Variants in C11orf71 observed in about 807,000 individuals in gnomAD.
The protein encoded by C11orf71 is chromosome 11 open reading frame 71, also known as uncharacterized protein C11orf71.
For synonymous variants in C11orf71, 72 were observed against 73.4 expected, an observed-to-expected ratio of 0.98 and a Z score of 0.09; for missense variants, 179 against 167.6, an observed-to-expected ratio of 1.07 and a Z score of -0.38.
rs1442554929 is a variant in C11orf71, at chr11:114,399,458, A to G, written c.*502T>C. 2.0e-5 allele frequency: 3 copies of G among 152,688 alleles called. No homozygotes were observed. The highest frequency in any genetic ancestry group is 7.2e-5 in the African/African-American group (3 of 41,490). 9.5% of individuals were successfully genotyped at this position (152,688 alleles called of 1,614,324 possible). A position where few individuals can be genotyped will look rare whatever the true frequency, so the allele number is the denominator to read the frequency against. Reference sequence around the variant, plus strand: ...AAAGGAATAATAAATTGATTTAATAATTTGAAAGAACTGTAAGGTTTAGGT... The same window carrying G: ...AAAGGAATAATAAATTGATTTAATAGTTTGAAAGAACTGTAAGGTTTAGGT... On this transcript the variant is annotated 3_prime_UTR_variant, in exon 1 of 1. Transcript: ENST00000623205.
downstream of C11orf71, among the ~76,000 whole-genome samples, chr11:114,394,295 T>C (rs1290289680): frequency 3.8e-5 from 1 of 26,088 alleles, no homozygotes; most frequent in African/African-American, 3.4e-4. Flanking sequence ...TTCTCTTATT[T>C]TCTTTTCTTT....
In C11orf71 at chr11:114,399,872, TAAAAC is replaced by T; in HGVS notation, c.*83_*87del. The T allele has an allele frequency of 6.9e-7, 1 of 1,453,222 alleles. No homozygotes were observed. Among genetic ancestry groups the T allele is most frequent in the Non-Finnish European group, 9.1e-7 (1 of 1,102,732 alleles). The allele number at this position is 1,453,222 out of a possible 1,614,324, so 90.0% of individuals were successfully genotyped here. The stretch of plus-strand genomic sequence containing the variant: ...AAATGAAAATACATCCATCTAAAAA[TAAAAC>T]AACACGATTGCTGCTACACCAAGAA... On this transcript the variant is annotated 3_prime_UTR_variant, in exon 1 of 1. Transcript: ENST00000623205.
rs891437470 is a variant in C11orf71 at position 114,399,336 on chromosome 11, T to G, written c.*624A>C. The G allele has an allele frequency of 6.6e-6, 1 of 152,292 alleles. No individual in the cohort carries two copies. The highest frequency in any genetic ancestry group is 6.5e-5 in the Admixed American group (1 of 15,284). The allele number at this position is 152,292 out of a possible 1,614,324, so 9.4% of individuals were successfully genotyped here. Reference sequence around the variant, plus strand: ...ATTGTACAAGTAATGTTTTCACCAGTGTATTTTAGGACAGCAGATTCAGAT... The same window carrying G: ...ATTGTACAAGTAATGTTTTCACCAGGGTATTTTAGGACAGCAGATTCAGAT... On this transcript the variant is annotated 3_prime_UTR_variant, in exon 1 of 1. Transcript: ENST00000623205.
chr11:114,397,447 A>T (rs1946137854), downstream of C11orf71, among the ~76,000 whole-genome samples: 1 of 152,198 alleles, frequency 6.6e-6, no homozygotes, highest in South Asian at 2.1e-4. Flanking sequence ...CTTGAATGCT[A>T]CTGCAGATGT....
chr11:114,394,245 T>TTC (rs1946105082), downstream of C11orf71, among the ~76,000 whole-genome samples: 1 of 61,858 alleles, frequency 1.6e-5, no homozygotes, highest in African/African-American at 1.3e-4. Flanking sequence ...TTCTTTTCTT[T>TTC]TCTTTTCTTT....
downstream of C11orf71, among the ~76,000 whole-genome samples, chr11:114,396,715 G>A (rs1271054778): frequency 1.3e-5 from 2 of 152,198 alleles, no homozygotes; most frequent in Non-Finnish European, 2.9e-5. Flanking sequence ...TTGTTGGCTA[G>A]AAAAATTGGT....
chr11:114,394,206 T>TCC (rs1946099190), downstream of C11orf71, among the ~76,000 whole-genome samples: 1 of 42,508 alleles, frequency 2.4e-5, no homozygotes, highest in African/African-American at 1.3e-4. Context: ...TTCTTTTCTT[T>TCC]TCTTTTCTTT....
At chr11:114,394,291 TA>T (rs1326620865), downstream of C11orf71, among the ~76,000 whole-genome samples, 1,694 of 33,616 alleles carry the variant, frequency 0.05, 130 homozygotes, top group East Asian at 0.14. Context: ...TCTTTTCTCT[TA>T]TTTTCTTTTC....
intron 1 of C11orf71, among the ~76,000 whole-genome samples, chr11:114,392,310 A>G (rs1946078863): frequency 6.6e-6 from 1 of 151,936 alleles, no homozygotes; most frequent in South Asian, 2.1e-4. Context: ...GGCCGAGGCG[A>G]GTGGATCACT....
chr11:114,394,182 T>TC (rs1491300180), downstream of C11orf71, among the ~76,000 whole-genome samples: 2 of 42,868 alleles, frequency 4.7e-5, no homozygotes, highest in Non-Finnish European at 9.0e-5. Flanking sequence ...GGGTTTCGTT[T>TC]CTTTTCTTTT....
At chr11:114,394,476 G>A (rs1946115396), downstream of C11orf71, among the ~76,000 whole-genome samples, 1 of 151,508 alleles carries the variant, frequency 6.6e-6, no homozygotes, top group Non-Finnish European at 1.5e-5. Context: ...TGTATTTTTA[G>A]TAGAGATGGG....
chr11:114,398,904 A>T lies in C11orf71; in HGVS notation c.*1056T>A, dbSNP rs530875373. 6.6e-6 allele frequency: 1 copy of T among 152,306 alleles called. No individual in the cohort carries two copies. Among genetic ancestry groups the T allele is most frequent in the Admixed American group, 6.5e-5 (1 of 15,306 alleles). 9.4% of individuals were successfully genotyped at this position (152,306 alleles called of 1,614,324 possible). On this transcript the variant is annotated 3_prime_UTR_variant, in exon 1 of 1. Transcript: ENST00000623205. ...AAAAGCTAGTCTACCTGCTTATATAAAGAGCTGGCACTTACAAAACCCATT... is the reference window on the plus strand; with the variant it reads ...AAAAGCTAGTCTACCTGCTTATATATAGAGCTGGCACTTACAAAACCCATT...
chr11:114,400,440 G>C lies in C11orf71; in HGVS notation c.-109C>G. ...GTCGGACCCGATGACTAAGCACACA[G>C]GAACCCATAACTGAGCCTGCGGAAG... On this transcript the variant is annotated 5_prime_UTR_variant, in exon 1 of 1. Coordinates refer to ENST00000623205, the MANE Select transcript of C11orf71 (RefSeq NM_001271562.2). The C allele has an allele frequency of 7.1e-7, 1 of 1,406,872 alleles. No homozygotes were observed. Among genetic ancestry groups the C allele is most frequent in the Non-Finnish European group, 9.5e-7 (1 of 1,055,840 alleles). 87.1% of individuals were successfully genotyped at this position (1,406,872 alleles called of 1,614,324 possible). A position where few individuals can be genotyped will look rare whatever the true frequency, so the allele number is the denominator to read the frequency against.
chr11:114,396,375 T>TG (rs1280670770), downstream of C11orf71, among the ~76,000 whole-genome samples: 2 of 152,236 alleles, frequency 1.3e-5, no homozygotes, highest in Non-Finnish European at 1.5e-5. Context: ...ATTGGCCTCA[T>TG]GCCTTTTTTT....
Position 114,400,452 on chromosome 11 carries a change from T to C in C11orf71, c.-121A>G. ...GACTAAGCACACAGGAACCCATAAC[T>C]GAGCCTGCGGAAGAGCCAGAAGCCG... On this transcript the variant is annotated 5_prime_UTR_variant, in exon 1 of 1. Coordinates refer to ENST00000623205, the MANE Select transcript of C11orf71 (RefSeq NM_001271562.2). 2.0e-5 allele frequency: 27 copies of C among 1,373,922 alleles called. No individual in the cohort carries two copies. The highest frequency in any genetic ancestry group is 2.6e-5 in the Non-Finnish European group (27 of 1,028,228). The allele number at this position is 1,373,922 out of a possible 1,614,324, so 85.1% of individuals were successfully genotyped here.
downstream of C11orf71, among the ~76,000 whole-genome samples, chr11:114,394,847 C>T (rs540493692): frequency 6.6e-6 from 1 of 151,430 alleles, no homozygotes; most frequent in South Asian, 2.1e-4. Context: ...TAGGAGCTAA[C>T]TTTAGGTTGT....
intron 1 of C11orf71, among the ~76,000 whole-genome samples, chr11:114,391,912 T>A (rs1946075746): frequency 1.4e-5 from 2 of 145,000 alleles, no homozygotes; most frequent in African/African-American, 2.7e-5. Context: ...TTAAAGCTGT[T>A]TTTTTTTTTT....
At chr11:114,396,159 A>C (rs1946129350), downstream of C11orf71, among the ~76,000 whole-genome samples, 1 of 152,244 alleles carries the variant, frequency 6.6e-6, no homozygotes, top group South Asian at 2.1e-4. Context: ...GGAGCTTTTT[A>C]AGTAAGGCAT....
In C11orf71 at chr11:114,400,050, G is replaced by T; in HGVS notation, c.282C>A (p.Ile94=). Residue 94 remains isoleucine (I), a synonymous_variant, in exon 1 of 1, where the codon ATC becomes ATA. Coordinates refer to ENST00000623205, the MANE Select transcript of C11orf71 (RefSeq NM_001271562.2). ...SRQARFSPYP[I]PAVEPDLLRS... The stretch of plus-strand genomic sequence containing the variant: ...TTAGGAGATCGGGTTCAACGGCAGG[G>T]ATTGGGTAAGGTGAGAATCTGGCTT... The T allele has an allele frequency of 6.2e-7, 1 of 1,614,048 alleles. No homozygotes were observed. Among genetic ancestry groups the T allele is most frequent in the Non-Finnish European group, 8.5e-7 (1 of 1,179,898 alleles).
Sources: allele counts gnomAD v4.1 joint callset (sites outside exome capture counted in the v4.1 genomes callset), GRCh38; gene constraint gnomAD v4.1.1; transcripts MANE v1.5; gene names NCBI Gene and HGNC (gene_info 2026-07-23, HGNC 2026-07-21).